Variants in ZNF345 observed in about 807,000 individuals in gnomAD.
ZNF345 encodes zinc finger protein HZF10.
For missense variants in ZNF345, 527 were observed against 589.9 expected (o/e 0.89, Z 1.10); for synonymous variants, 166 against 187.9 (o/e 0.88, Z 0.95).
chr19:36,883,306 C>T (rs1157349900), downstream of ZNF345, among the ~76,000 whole-genome samples: 1 of 152,194 alleles, frequency 6.6e-6, no homozygotes, highest in Non-Finnish European at 1.5e-5. Context: ...TGTAGCTACT[C>T]GTCATGGTCA....
chr19:36,880,939 T>C (rs574382384), downstream of ZNF345, among the ~76,000 whole-genome samples: 2 of 151,968 alleles, frequency 1.3e-5, no homozygotes, highest in East Asian at 3.9e-4. Context: ...AAATTATAAA[T>C]AAAGAAACCA....
downstream of ZNF345, among the ~76,000 whole-genome samples, chr19:36,881,039 G>T (rs1276553758): frequency 6.6e-6 from 1 of 152,050 alleles, no homozygotes; most frequent in Non-Finnish European, 1.5e-5. Context: ...AATAAAAAAA[G>T]CTAGATCAAT....
chr19:36,881,194 G>C (rs2146212858), downstream of ZNF345, among the ~76,000 whole-genome samples: 1 of 152,230 alleles, frequency 6.6e-6, no homozygotes, highest in Non-Finnish European at 1.5e-5. Flanking sequence ...TATCTGAAAT[G>C]CTCCAAATTC....
At chr19:36,870,493 T>C (rs1184011291) in intron 2 of ZNF345, among the ~76,000 whole-genome samples, 1 of 152,184 alleles carries the variant, frequency 6.6e-6, no homozygotes, top group African/African-American at 2.4e-5. Context: ...CTTGCCTTCC[T>C]GTTTCTTGGT....
At chr19:36,888,745 G>C (rs1042534479) in intron 3 of ZNF345, 4 of 152,066 alleles carry the variant, frequency 2.6e-5, no homozygotes, top group Admixed American at 2.0e-4. Flanking sequence ...CCCCCGGCTG[G>C]AGTGCAATGG....
At chr19:36,869,354 C>G (rs976315358) in intron 2 of ZNF345, among the ~76,000 whole-genome samples, 1 of 152,202 alleles carries the variant, frequency 6.6e-6, no homozygotes, top group African/African-American at 2.4e-5. Context: ...AGTTTCTATG[C>G]CCTTTCCTGG....
At chr19:36,859,133 A>C (rs1600693743) in intron 2 of ZNF345, among the ~76,000 whole-genome samples, 1 of 151,286 alleles carries the variant, frequency 6.6e-6, no homozygotes, top group Admixed American at 6.6e-5. Context: ...GGTTTTGTAA[A>C]TCTTAAACTT....
intron 2 of ZNF345, among the ~76,000 whole-genome samples, chr19:36,870,244 A>G (rs1375289644): frequency 6.6e-6 from 1 of 152,170 alleles, no homozygotes; most frequent in Non-Finnish European, 1.5e-5. Context: ...TTTTTACGCA[A>G]CTTTGTTTTC....
At chr19:36,868,413 A>G (rs968014015) in intron 2 of ZNF345, among the ~76,000 whole-genome samples, 13 of 152,054 alleles carry the variant, frequency 8.5e-5, no homozygotes, top group South Asian at 4.1e-4. Context: ...TGGGAAATCT[A>G]TTAGTCATAG....
At chr19:36,864,136 TA>T (rs2146160502) in intron 2 of ZNF345, among the ~76,000 whole-genome samples, 1 of 152,262 alleles carries the variant, frequency 6.6e-6, no homozygotes, top group Admixed American at 6.5e-5. Context: ...AAGTTTAATA[TA>T]AAAAATTATT....
chr19:36,888,620 A>G (rs1287107524), intron 3 of ZNF345: 1 of 152,204 alleles, frequency 6.6e-6, no homozygotes, highest in Non-Finnish European at 1.5e-5. Context: ...ACATACACAT[A>G]TAGTGTAGTG....
intron 2 of ZNF345, among the ~76,000 whole-genome samples, chr19:36,871,984 C>G (rs1365542820): frequency 6.6e-6 from 1 of 152,116 alleles, no homozygotes; most frequent in African/African-American, 2.4e-5. Context: ...TCAGGCTGGT[C>G]TCAAATTCCC....
chr19:36,892,319 A>G (rs1218909919), intron 3 of ZNF345: 1 of 1,613,776 alleles, frequency 6.2e-7, no homozygotes, highest in Non-Finnish European at 8.5e-7. Flanking sequence ...CATATCTTAC[A>G]TTCCCATGGT....
At chr19:36,852,681 C>T (rs1387342173) in intron 2 of ZNF345, among the ~76,000 whole-genome samples, 2 of 151,732 alleles carry the variant, frequency 1.3e-5, no homozygotes, top group Non-Finnish European at 2.9e-5. Context: ...AAACTGTTCT[C>T]TAAAGATACT....
rs3859520 is a variant in ZNF345, at chr19:36,876,422, C to T, written c.-46-363C>T. 5.3e-3 allele frequency among the ~76,000 whole-genome samples: 803 copies of T among 152,264 alleles called. 21 individuals are homozygous for T. Among genetic ancestry groups the T allele is most frequent in the Admixed American group, 0.038 (577 of 15,296 alleles). On this transcript the variant is annotated intron_variant, in intron 2 of 2. Transcript: ENST00000420450. ...TTATAAATGTTTATAGCACTAGATT[C>T]ATCTCTTAAAAAATTAAGACAGGGC...
At chr19:36,862,663 C>CAAA (rs753670661) in intron 2 of ZNF345, among the ~76,000 whole-genome samples, 9 of 39,912 alleles carry the variant, frequency 2.3e-4, no homozygotes, top group African/African-American at 4.9e-4. Context: ...GACCCAGTCT[C>CAAA]AAAAAAAAAA....
At chr19:36,851,326 G>A (rs893499236) in intron 1 of ZNF345, 1 of 152,220 alleles carries the variant, frequency 6.6e-6, no homozygotes, top group Non-Finnish European at 1.5e-5. Flanking sequence ...TTCCGTGTGT[G>A]TGTGTGCGCG....
chr19:36,862,184 G>C (rs1233686292), intron 2 of ZNF345, among the ~76,000 whole-genome samples: 1 of 152,038 alleles, frequency 6.6e-6, no homozygotes, highest in Non-Finnish European at 1.5e-5. Flanking sequence ...CTTTGGACTG[G>C]GAGTACGTAA....
At chr19:36,859,656 C>T (rs2072502598) in intron 2 of ZNF345, among the ~76,000 whole-genome samples, 1 of 151,864 alleles carries the variant, frequency 6.6e-6, no homozygotes, top group Non-Finnish European at 1.5e-5. Flanking sequence ...CGTTTCTAGG[C>T]TGTTTGTATT....
Sources: allele counts gnomAD v4.1 joint callset (sites outside exome capture counted in the v4.1 genomes callset), GRCh38; gene constraint gnomAD v4.1.1; transcripts MANE v1.5; gene names NCBI Gene and HGNC (gene_info 2026-07-23, HGNC 2026-07-21).